The following CDH13 variants were observed in gnomAD, a reference collection of about 807,000 sequenced individuals.
CDH13 encodes the protein cadherin 13.
A neutral mutation model predicts 63.8 loss-of-function variants in CDH13; 24 were observed. That is an observed-to-expected ratio of 0.38 (90% CI 0.27 to 0.53). The LOEUF (loss-of-function observed/expected upper bound fraction) is 0.53, where lower values mean the gene tolerates loss of function less well. CDH13 is among the 20% of genes least tolerant of loss of function. The probability of loss-of-function intolerance (pLI) is 0.85; values close to 1 mark genes in which losing one functional copy is unlikely to be tolerated. For missense variants in CDH13, 1,049 were observed against 903.1 expected (o/e 1.16, Z -2.07); for synonymous variants, 503 against 355.3 (o/e 1.42, Z -4.67).
At chr16:82,882,398 A>C (rs2040735500) in intron 2 of CDH13, among the ~76,000 whole-genome samples, 1 of 152,136 alleles carries the variant, frequency 6.6e-6, no homozygotes, top group South Asian at 2.1e-4. Flanking sequence ...GTCTGGCTCT[A>C]GTCTCCAACT....
chr16:82,673,306 T>C (rs1466893595), intron 1 of CDH13, among the ~76,000 whole-genome samples: 2 of 152,172 alleles, frequency 1.3e-5, no homozygotes, highest in Non-Finnish European at 2.9e-5. Flanking sequence ...ATTCATTCAT[T>C]CAATAAACAC....
chr16:83,106,174 G>A (rs1279646518), intron 3 of CDH13, among the ~76,000 whole-genome samples: 1 of 152,144 alleles, frequency 6.6e-6, no homozygotes, highest in Non-Finnish European at 1.5e-5. Context: ...ACAAGCAAAA[G>A]CAAATGAAAC....
In CDH13 at chr16:82,954,064, G is replaced by A. The variant is rs186760532; in HGVS notation, c.158-77946G>A. ...GAGGTAATGCCAAGAAGCACTGTAG[G>A]GAATGAAGAAAGTCAGCTGGGGAAG... On this transcript the variant is annotated intron_variant, in intron 2 of 13. Transcript: ENST00000567109. The A allele has an allele frequency of 2.8e-4, 43 of 152,148 alleles. 1 individual carries two copies. The highest frequency in any genetic ancestry group is 9.9e-4 in the African/African-American group (41 of 41,508). The allele number at this position is 152,148 out of a possible 1,614,324, so 9.4% of individuals were successfully genotyped here.
Position 83,077,050 on chromosome 16 carries a change from C to T in CDH13, c.366+44832C>T, listed in dbSNP as rs893941451. Among the ~76,000 whole-genome samples, 9 of 152,100 alleles carry T rather than the reference C, an allele frequency of 5.9e-5. No homozygotes were observed. The South Asian group carries it at 1.7e-3, about 28-fold the overall frequency. On this transcript the variant is annotated intron_variant, in intron 3 of 13. Transcript: ENST00000567109. ...CCACCAATATTCTGATTTTTCCCAT[C>T]ATAGACTTGTTTCAAGTTTCATTGG...
chr16:83,631,578 G>A (rs943779145), intron 8 of CDH13, among the ~76,000 whole-genome samples: 1 of 152,142 alleles, frequency 6.6e-6, no homozygotes, highest in Admixed American at 6.5e-5. Context: ...GAGGTGGACA[G>A]TGTCAAAATG....
At chr16:83,113,143 G>C (rs555127238) in intron 3 of CDH13, among the ~76,000 whole-genome samples, 1 of 152,200 alleles carries the variant, frequency 6.6e-6, no homozygotes, top group African/African-American at 2.4e-5. Context: ...GTAGATTCTG[G>C]TTTAACAAAA....
At chr16:83,155,408 C>G (rs554332002) in intron 4 of CDH13, among the ~76,000 whole-genome samples, 39 of 152,254 alleles carry the variant, frequency 2.6e-4, no homozygotes, top group Non-Finnish European at 4.4e-4. Context: ...TTTTGTTTCT[C>G]TGGGGCAGTG....
intron 6 of CDH13, among the ~76,000 whole-genome samples, chr16:83,425,966 T>G (rs2071882283): frequency 1.3e-5 from 2 of 152,140 alleles, no homozygotes; most frequent in Non-Finnish European, 2.9e-5. Context: ...AAATTAAAAT[T>G]AAAATGAGAT....
chr16:83,505,412 C>T (rs892554611), intron 7 of CDH13, among the ~76,000 whole-genome samples: 1 of 152,150 alleles, frequency 6.6e-6, no homozygotes, highest in Non-Finnish European at 1.5e-5. Context: ...ACCCTCCCAG[C>T]CAGCCTGATA....
At chr16:83,707,162 C>G (rs900056191) in intron 10 of CDH13, among the ~76,000 whole-genome samples, 1 of 152,226 alleles carries the variant, frequency 6.6e-6, no homozygotes, top group Non-Finnish European at 1.5e-5. Context: ...TGTTCACGCT[C>G]CAGAACTTGA....
At chr16:83,032,446 T>G (rs1916452189) in intron 3 of CDH13, 2 of 525,366 alleles carry the variant, frequency 3.8e-6, no homozygotes, top group Non-Finnish European at 6.8e-6. Flanking sequence ...TGGAACTATT[T>G]TAGGGATACT....
At chr16:83,548,420 C>T (rs1023561467) in intron 7 of CDH13, among the ~76,000 whole-genome samples, 1 of 152,034 alleles carries the variant, frequency 6.6e-6, no homozygotes, top group African/African-American at 2.4e-5. Flanking sequence ...AAAGGGCAGC[C>T]CCTCCCCCAA....
At chr16:83,702,502 C>T (rs1392849920) in intron 10 of CDH13, among the ~76,000 whole-genome samples, 1 of 152,096 alleles carries the variant, frequency 6.6e-6, no homozygotes, top group Non-Finnish European at 1.5e-5. Flanking sequence ...AGGGGGTTTG[C>T]AGCCAGGCCC....
chr16:83,080,871 G>GTTTTTTTTTTTTTGTTTTTTTTTT (rs2033186383), intron 3 of CDH13, among the ~76,000 whole-genome samples: 1 of 46,928 alleles, frequency 2.1e-5, no homozygotes, highest in African/African-American at 9.3e-5. Flanking sequence ...TTGTTTTTGT[G>GTTTTTTTTTTTTTGTTTTTTTTTT]TTTTTTTTTT....
chr16:83,432,668 C>T (rs967663338), intron 6 of CDH13, among the ~76,000 whole-genome samples: 2 of 152,180 alleles, frequency 1.3e-5, no homozygotes, highest in South Asian at 4.1e-4. Context: ...AGCCGGCTCT[C>T]AGGCTCATGC....
chr16:82,974,307 G>A (rs1909195083), intron 2 of CDH13, among the ~76,000 whole-genome samples: 1 of 152,282 alleles, frequency 6.6e-6, no homozygotes, highest in South Asian at 2.1e-4. Context: ...CATTCACTGT[G>A]TGTCCTTGCA....
intron 1 of CDH13, among the ~76,000 whole-genome samples, chr16:82,631,206 A>C (rs1393460055): frequency 3.3e-5 from 5 of 152,176 alleles, no homozygotes. Flanking sequence ...GTATTGGAGC[A>C]GGGAAAATTT....
chr16:83,112,815 C>T (rs1052230875), intron 3 of CDH13, among the ~76,000 whole-genome samples: 4 of 152,072 alleles, frequency 2.6e-5, no homozygotes, highest in African/African-American at 9.7e-5. Context: ...TCGTGAGCAC[C>T]GTGCAGTTTA....
intron 11 of CDH13, among the ~76,000 whole-genome samples, chr16:83,765,574 A>C (rs1914323109): frequency 6.6e-6 from 1 of 151,766 alleles, no homozygotes; most frequent in South Asian, 2.1e-4. Context: ...AAAGAGAGAG[A>C]GAGAGAGAGA....
Sources: gnomAD v4.1 joint callset for allele counts (sites outside exome capture counted in the v4.1 genomes callset) on GRCh38, gnomAD v4.1.1 for gene constraint, MANE v1.5 for transcripts, NCBI Gene and HGNC (gene_info 2026-07-23, HGNC 2026-07-21) for gene names.